Variants in MTUS1 observed in about 807,000 individuals in gnomAD.
MTUS1 encodes the protein microtubule associated scaffold protein 1, also known as microtubule-associated tumor suppressor 1.
Under a neutral mutation model 120.8 loss-of-function variants are expected in MTUS1, and 109 were observed. That is an observed-to-expected ratio of 0.90 (90% CI 0.77 to 1.06). The LOEUF (loss-of-function observed/expected upper bound fraction) is 1.06. Among genes scored for constraint, MTUS1 ranks in the 50% least tolerant of loss-of-function variants. MTUS1 has a pLI of 0.00. For missense variants in MTUS1, 2,210 were observed against 1,486.3 expected (o/e 1.49, Z -8.01); for synonymous variants, 737 against 550.5 (o/e 1.34, Z -4.74).
intron 13 of MTUS1, among the ~76,000 whole-genome samples, chr8:17,649,285 G>C (rs1256675399): frequency 6.6e-6 from 1 of 152,058 alleles, no homozygotes; most frequent in African/African-American, 2.4e-5. Context: ...TCGAACTCCT[G>C]ACCTCAAGTG....
chr8:17,712,421 C>A (rs1365950653), intron 6 of MTUS1, among the ~76,000 whole-genome samples: 1 of 152,102 alleles, frequency 6.6e-6, no homozygotes, highest in East Asian at 1.9e-4. Flanking sequence ...AATGCCACCT[C>A]TGCCTCCCAG....
At chr8:17,646,563 G>A (rs1370172199) in intron 14 of MTUS1, among the ~76,000 whole-genome samples, 1 of 152,156 alleles carries the variant, frequency 6.6e-6, no homozygotes, top group Non-Finnish European at 1.5e-5. Context: ...ACTCCAGCCT[G>A]GGCAGAAGAG....
intron 6 of MTUS1, among the ~76,000 whole-genome samples, chr8:17,686,926 T>A (rs571855393): frequency 1.3e-5 from 2 of 152,300 alleles, no homozygotes; most frequent in East Asian, 3.9e-4. Context: ...GTAAATAAAA[T>A]CACTTTTAAC....
At chr8:17,675,909 G>T (rs34105101) in intron 7 of MTUS1, 100,149 of 181,592 alleles carry the variant, frequency 0.55, 29,549 homozygotes, top group Middle Eastern at 0.71. Context: ...TATCAGAGAA[G>T]CAAGTATCAA....
intron 1 of MTUS1, among the ~76,000 whole-genome samples, chr8:17,772,113 T>C (rs1421919475): frequency 1.3e-5 from 2 of 152,178 alleles, no homozygotes; most frequent in African/African-American, 2.4e-5. Flanking sequence ...TCTTGCCTCA[T>C]AAATGTATGA....
At chr8:17,666,090 CTTTTT>C (rs57062684) in intron 8 of MTUS1, among the ~76,000 whole-genome samples, 7 of 111,100 alleles carry the variant, frequency 6.3e-5, no homozygotes, top group Non-Finnish European at 1.1e-4. Context: ...AGAACAGATG[CTTTTT>C]TTTTTTTTTT....
rs1563334195 is a variant in MTUS1 at position 17,755,549 on chromosome 8, T to A, written c.259A>T (p.Ser87Cys). 6.2e-7 allele frequency: 1 copy of A among 1,614,188 alleles called. No individual in the cohort carries two copies. Residue 87 changes from serine to cysteine, a missense_variant, in exon 2 of 15, where the codon AGT becomes TGT. Coordinates refer to ENST00000693296, the MANE Select transcript of MTUS1 (RefSeq NM_001363059.2). Reference sequence around the variant, plus strand: ...AACACCTGCTTACTAATGAAATCACTAGAAGACTTTTCATGACCAAATACT... The same window carrying A: ...AACACCTGCTTACTAATGAAATCACAAGAAGACTTTTCATGACCAAATACT... ...VEVFGHEKSS[S>C]DFISKQVLDM...
At chr8:17,691,119 T>TA (rs1189195845) in intron 6 of MTUS1, among the ~76,000 whole-genome samples, 2 of 152,236 alleles carry the variant, frequency 1.3e-5, no homozygotes, top group African/African-American at 4.8e-5. Context: ...AAAACACTGC[T>TA]ATCCTTCCCA....
intron 1 of MTUS1, among the ~76,000 whole-genome samples, chr8:17,764,825 G>C (rs908922502): frequency 6.6e-6 from 1 of 152,194 alleles, no homozygotes; most frequent in African/African-American, 2.4e-5. Context: ...TAATCCCGTG[G>C]TCCCCAACCT....
At chr8:17,697,147 G>C in intron 6 of MTUS1, 1 of 1,365,418 alleles carries the variant, frequency 7.3e-7, no homozygotes, top group Admixed American at 2.3e-5. Flanking sequence ...ATTAGAGAGA[G>C]CTTTTTTCCT....
chr8:17,719,425 C>T (rs1006805620), intron 4 of MTUS1, among the ~76,000 whole-genome samples: 31 of 152,170 alleles, frequency 2.0e-4, no homozygotes, highest in African/African-American at 7.5e-4. Flanking sequence ...CAATATCACT[C>T]AACTATATAA....
chr8:17,658,607 T>A (rs1340036878), intron 8 of MTUS1, among the ~76,000 whole-genome samples: 1 of 152,114 alleles, frequency 6.6e-6, no homozygotes, highest in East Asian at 1.9e-4. Context: ...TACGACAGGG[T>A]TGCTGGCAAA....
At chr8:17,701,550 G>T (rs1002581376) in intron 6 of MTUS1, among the ~76,000 whole-genome samples, 32 of 151,902 alleles carry the variant, frequency 2.1e-4, no homozygotes, top group African/African-American at 7.5e-4. Flanking sequence ...TATGTTCATC[G>T]TAGAATTTTT....
rs189327309 is a variant in MTUS1, at chr8:17,711,599, C to A, written c.2623+1615G>T. Among the ~76,000 whole-genome samples, 11 of 152,254 alleles carry A rather than the reference C, an allele frequency of 7.2e-5. No homozygotes were observed. The East Asian group carries it at 1.9e-3, about 27-fold the overall frequency. On this transcript the variant is annotated intron_variant, in intron 6 of 14. Transcript: ENST00000693296. ...CAGACCACTCAGACTTTCTCTCTGC[C>A]GGGAGTCTGTTTTGCTTTCTTATTT...
chr8:17,705,231 G>C (rs1176442820), intron 6 of MTUS1, among the ~76,000 whole-genome samples: 1 of 152,140 alleles, frequency 6.6e-6, no homozygotes, highest in Non-Finnish European at 1.5e-5. Flanking sequence ...CAATCCACCT[G>C]TCTTGGCCCC....
chr8:17,652,796 A>G (rs111849279), intron 12 of MTUS1, among the ~76,000 whole-genome samples: 182 of 151,804 alleles, frequency 1.2e-3, no homozygotes, highest in African/African-American at 4.2e-3. Context: ...AGATCACGCC[A>G]CTACACTCCA....
At chr8:17,765,345 T>C (rs1300653356) in intron 1 of MTUS1, among the ~76,000 whole-genome samples, 3 of 152,104 alleles carry the variant, frequency 2.0e-5, no homozygotes, top group Middle Eastern at 3.2e-3. Flanking sequence ...CTAGCTGTCA[T>C]TGGCTGGGCA....
intron 3 of MTUS1, chr8:17,724,194 C>A: frequency 2.3e-6 from 1 of 443,580 alleles, no homozygotes; most frequent in Non-Finnish European, 4.4e-6. Context: ...ATTGATACGA[C>A]CCCCCATACT....
At chr8:17,687,337 T>C (rs1047514991) in intron 6 of MTUS1, among the ~76,000 whole-genome samples, 1 of 152,128 alleles carries the variant, frequency 6.6e-6, no homozygotes, top group Admixed American at 6.5e-5. Context: ...TCAGAGATGA[T>C]GCAAAAATCT....
Sources: allele counts gnomAD v4.1 joint callset (sites outside exome capture counted in the v4.1 genomes callset), GRCh38; gene constraint gnomAD v4.1.1; transcripts MANE v1.5; gene names NCBI Gene and HGNC (gene_info 2026-07-23, HGNC 2026-07-21).